Variants in GPR155 observed in about 807,000 individuals in gnomAD.
GPR155 encodes the protein G protein-coupled receptor 155.
Under a neutral mutation model 93.1 loss-of-function variants are expected in GPR155, and 65 were observed. That is an observed-to-expected ratio of 0.70 (90% CI 0.57 to 0.86). GPR155 has a LOEUF of 0.86. Among genes scored for constraint, GPR155 ranks in the 40% least tolerant of loss-of-function variants. GPR155 has a pLI of 0.00. For missense variants in GPR155, 838 were observed against 1,034.8 expected (o/e 0.81, Z 2.61); for synonymous variants, 319 against 360.1 (o/e 0.89, Z 1.29).
chr2:174,446,570 T>A, intron 12 of GPR155, 41 bp downstream of exon 12: 2 of 1,574,934 alleles, frequency 1.3e-6, no homozygotes, highest in Non-Finnish European at 1.7e-6. Flanking sequence ...GCCAAAAATT[T>A]AAAGAAATGG....
intron 1 of GPR155, chr2:174,483,266 T>A (rs1027817555): frequency 6.6e-6 from 1 of 152,212 alleles, no homozygotes; most frequent in Non-Finnish European, 1.5e-5. Flanking sequence ...TCAGGCACTA[T>A]TTAGTTTACA....
chr2:174,460,153 C>CT lies in GPR155; in HGVS notation c.1561-66_1561-65insA, dbSNP rs1559109134. On this transcript the variant is annotated intron_variant, in intron 9 of 15. Transcript: ENST00000392552. ...ACTTCATCTTGATAATCTTAGGGCA[C>CT]ATTTTTTTTTTTTTTTTTTTTTTTT... 1.5e-4 allele frequency: 81 copies of CT among 557,888 alleles called. 1 individual carries two copies. The highest frequency in any genetic ancestry group is 1.4e-3 in the African/African-American group (54 of 37,948). 34.6% of individuals were successfully genotyped at this position (557,888 alleles called of 1,614,324 possible). A position where few individuals can be genotyped will look rare whatever the true frequency, so the allele number is the denominator to read the frequency against.
intron 2 of GPR155, among the ~76,000 whole-genome samples, chr2:174,480,985 C>T (rs1192779342): frequency 6.6e-6 from 1 of 152,010 alleles, no homozygotes. Context: ...CACCCTGTTG[C>T]CCAGGCTGGT....
rs1686744858 is a variant in GPR155 at position 174,435,352 on chromosome 2, CTATT to C, written c.*760_*763del. 1 of 152,108 alleles carries C rather than the reference CTATT, an allele frequency of 6.6e-6. No individual in the cohort carries two copies. Among genetic ancestry groups the C allele is most frequent in the Non-Finnish European group, 1.5e-5 (1 of 68,010 alleles). 9.4% of individuals were successfully genotyped at this position (152,108 alleles called of 1,614,324 possible). A position where few individuals can be genotyped will look rare whatever the true frequency, so the allele number is the denominator to read the frequency against. ...CCTAAACAATACAGTATAACAACAACTATTTACATAGCATTTACATTGTATTAGG... is the reference window on the plus strand; with the variant it reads ...CCTAAACAATACAGTATAACAACAACTACATAGCATTTACATTGTATTAGG... On this transcript the variant is annotated 3_prime_UTR_variant, in exon 16 of 16. Coordinates refer to ENST00000392552, the MANE Select transcript of GPR155 (RefSeq NM_152529.7).
chr2:174,482,016 T>C (rs745529966), intron 1 of GPR155, 29 bp from the exon 2 acceptor site: 34 of 1,149,500 alleles, frequency 3.0e-5, no homozygotes, highest in Non-Finnish European at 3.8e-5. Flanking sequence ...AGATTCAGTA[T>C]GGCCATCAAC....
Position 174,470,400 on chromosome 2 carries a change from T to A in GPR155, c.1016A>T (p.Glu339Val). Residue 339 changes from glutamate (E) to valine (V), a missense_variant, in exon 4 of 16, where the codon GAA becomes GTA. Physicochemically the swap from Glu to Val is moderately radical, Grantham distance 121 (BLOSUM62 -2). Transcript: ENST00000392552. ...GTACTATATACATACAATTTCTACT[T>A]CCATGTTGAATTGTGTTGCAAAGAT... ...VAIFATQFNM[E>V]VEIITSGMVI... is the part of the protein sequence containing the mutation. 1.9e-6 allele frequency: 3 copies of A among 1,612,650 alleles called. No individual in the cohort carries two copies. Among genetic ancestry groups the A allele is most frequent in the Non-Finnish European group, 2.5e-6 (3 of 1,178,914 alleles).
chr2:174,473,136 T>C lies in GPR155; in HGVS notation c.689A>G (p.Asn230Ser). 6.2e-7 allele frequency: 1 copy of C among 1,611,386 alleles called. No homozygotes were observed. Among genetic ancestry groups the C allele is most frequent in the Admixed American group, 1.7e-5 (1 of 59,278 alleles). Residue 230 changes from asparagine (N) to serine (S), a missense_variant, in exon 3 of 16, where the codon AAT becomes AGT. Around this residue, in one of 3 missense-constraint regions of GPR155, gnomAD observed 663 missense variants for 790.1 expected, o/e 0.84. Coordinates refer to ENST00000392552, the MANE Select transcript of GPR155 (RefSeq NM_152529.7). ...AGGTACCTTTCGATCAAGAATAAAA[T>C]TGAAGGCGATGCCAATGAAGACCAT... ...VFMVFIGIAFNFILDRKVPVY... is the reference protein window; with the variant it reads ...VFMVFIGIAFSFILDRKVPVY...
intron 2 of GPR155, among the ~76,000 whole-genome samples, chr2:174,480,413 A>G (rs1688285751): frequency 6.6e-6 from 1 of 152,248 alleles, no homozygotes; most frequent in Non-Finnish European, 1.5e-5. Flanking sequence ...GAATGAATGA[A>G]TGAATGAATA....
chr2:174,482,862 G>A (rs1688367150), intron 1 of GPR155: 1 of 152,182 alleles, frequency 6.6e-6, no homozygotes, highest in South Asian at 2.1e-4. Context: ...GGCAATAATA[G>A]TAATACCTAC....
chr2:174,483,538 C>A (rs2105744350), intron 1 of GPR155, among the ~76,000 whole-genome samples: 1 of 152,172 alleles, frequency 6.6e-6, no homozygotes, highest in East Asian at 1.9e-4. Flanking sequence ...TAAAGCTAAT[C>A]AGCTTTTATT....
chr2:174,435,286 C>G lies in GPR155; in HGVS notation c.*830G>C, dbSNP rs1686742800. The stretch of plus-strand genomic sequence containing the variant: ...TAGTCAGGCTTAACAATGGTTGCAT[C>G]TGTAGTGAACATGTACAGACTGTTT... On this transcript the variant is annotated 3_prime_UTR_variant, in exon 16 of 16. Coordinates refer to ENST00000392552, the MANE Select transcript of GPR155 (RefSeq NM_152529.7). 1 of 152,116 alleles carries G rather than the reference C, an allele frequency of 6.6e-6. No individual in the cohort carries two copies. Among genetic ancestry groups the G allele is most frequent in the Non-Finnish European group, 1.5e-5 (1 of 68,028 alleles). 9.4% of individuals were successfully genotyped at this position (152,116 alleles called of 1,614,324 possible). A position where few individuals can be genotyped will look rare whatever the true frequency, so the allele number is the denominator to read the frequency against.
chr2:174,476,317 T>A (rs1013162282), intron 2 of GPR155, among the ~76,000 whole-genome samples: 1 of 152,140 alleles, frequency 6.6e-6, no homozygotes, highest in Non-Finnish European at 1.5e-5. Flanking sequence ...CTACAAAACC[T>A]TTCTTTTACC....
At chr2:174,446,248 A>G (rs1687120825) in intron 12 of GPR155, among the ~76,000 whole-genome samples, 1 of 142,086 alleles carries the variant, frequency 7.0e-6, no homozygotes, top group South Asian at 2.2e-4. Context: ...CAGAGGTTGC[A>G]GTGAGCTGAG....
In GPR155 at chr2:174,468,966, T is replaced by G; in HGVS notation, c.1128A>C (p.Ala376=). 1 of 1,614,038 alleles carries G rather than the reference T, an allele frequency of 6.2e-7. No homozygotes were observed. The highest frequency in any genetic ancestry group is 8.5e-7 in the Non-Finnish European group (1 of 1,179,898). Residue 376 remains alanine (A), a synonymous_variant, in exon 5 of 16, where the codon GCA becomes GCC. Transcript: ENST00000392552. ...CAAAACTAACATTCTGGATGGCATA[T>G]GCCAATGGCTTAGGGTCCATAGTGG... ...TFPTMDPKPL[A]YAIQNVSFDI... is the part of the protein sequence containing the mutation.
intron 5 of GPR155, among the ~76,000 whole-genome samples, chr2:174,468,373 T>C (rs13425343): frequency 0.17 from 25,578 of 152,210 alleles, 2,522 homozygotes; most frequent in Non-Finnish European, 0.23. Flanking sequence ...CTAGCTGTCA[T>C]ATACTTAATT....
intron 3 of GPR155, among the ~76,000 whole-genome samples, chr2:174,471,249 G>A (rs560324596): frequency 1.3e-5 from 2 of 151,788 alleles, no homozygotes; most frequent in Non-Finnish European, 2.9e-5. Context: ...AAAATTAGCC[G>A]GGCATGATGG....
intron 13 of GPR155, among the ~76,000 whole-genome samples, chr2:174,442,843 C>T (rs1238682294): frequency 6.6e-6 from 1 of 152,188 alleles, no homozygotes; most frequent in African/African-American, 2.4e-5. Flanking sequence ...ATACTATAAA[C>T]AGCCAGAAGG....
rs374135134 is a variant in GPR155, at chr2:174,436,105, C to G, written c.*11G>C. On this transcript the variant is annotated 3_prime_UTR_variant, in exon 16 of 16. Coordinates refer to ENST00000392552, the MANE Select transcript of GPR155 (RefSeq NM_152529.7). ...GAATATGATTCCATGTAGGGTTCTCCCCTGCATAATTTAGGTCTTAGGGGA... is the reference window on the plus strand; with the variant it reads ...GAATATGATTCCATGTAGGGTTCTCGCCTGCATAATTTAGGTCTTAGGGGA... The G allele has an allele frequency of 6.2e-7, 1 of 1,604,778 alleles. No individual in the cohort carries two copies. Among genetic ancestry groups the G allele is most frequent in the East Asian group, 2.2e-5 (1 of 44,796 alleles).
At chr2:174,471,394 CAAAAAA>C (rs1156941389) in intron 3 of GPR155, among the ~76,000 whole-genome samples, 2 of 43,482 alleles carry the variant, frequency 4.6e-5, no homozygotes, top group African/African-American at 1.8e-4. Context: ...GACTCTGTCT[CAAAAAA>C]AAAAAAAAAA....
Sources: gnomAD v4.1 joint callset for allele counts (sites outside exome capture counted in the v4.1 genomes callset) on GRCh38, gnomAD v4.1.1 for gene constraint, gnomAD v4.1.1 regional missense constraint, MANE v1.5 for transcripts, NCBI Gene and HGNC (gene_info 2026-07-23, HGNC 2026-07-21) for gene names.